Variants in TAF5L observed in about 807,000 individuals in gnomAD.
TAF5L encodes the protein TAF5-like RNA polymerase II p300/CBP-associated factor-associated factor 65 kDa subunit 5L.
Under a neutral mutation model 51.3 loss-of-function variants are expected in TAF5L, and 7 were observed. The ratio of observed to expected loss-of-function variants is 0.14; its 90% CI spans 0.08 to 0.26. The LOEUF is 0.26. Ranked by LOEUF, TAF5L falls within the 10% of genes least tolerant of loss-of-function variation. TAF5L has a pLI of 1.00. For synonymous variants in TAF5L, 291 were observed against 308.1 expected (o/e 0.94, Z 0.58); for missense variants, 575 against 758.9 (o/e 0.76, Z 2.85).
rs1664424837 is a variant in TAF5L, at chr1:229,602,634, T to C, written c.533A>G (p.Tyr178Cys). The change falls in exon 4 of 5, where the codon TAC becomes TGC. Residue 178 changes from tyrosine to cysteine, a missense_variant. Tyr to Cys is a radical substitution (Grantham distance 194, BLOSUM62 -2). Transcript: ENST00000258281. This position sits in a 1 kb window ranked among gnomAD's most constrained non-coding sequence, Gnocchi z 4.6. ...GGCAGTATTGTTGTCACTTTGGAGG[T>C]AGCGGATAAGGTAGTTGTAGCTGTC... The C allele has an allele frequency of 6.2e-7, 1 of 1,614,162 alleles. No individual in the cohort carries two copies. The highest frequency in any genetic ancestry group is 8.5e-7 in the Non-Finnish European group (1 of 1,180,040).
rs189895797 is a variant in TAF5L, at chr1:229,616,940, C to G, written c.-3-2455G>C. Among the ~76,000 whole-genome samples the G allele has an allele frequency of 2.0e-4, 31 of 152,226 alleles. No homozygotes were observed. The East Asian group carries it at 5.8e-3, about 28-fold the overall frequency. ...GTGTGATTGTTAAAAAGAAGGAACACTATGGTTGTGAATCAGTGACATAAT... is the reference window on the plus strand; with the variant it reads ...GTGTGATTGTTAAAAAGAAGGAACAGTATGGTTGTGAATCAGTGACATAAT... On this transcript the variant is annotated intron_variant, in intron 1 of 4. Coordinates refer to ENST00000258281, the Ensembl canonical transcript of TAF5L.
In TAF5L at chr1:229,595,131, C is replaced by A. The variant is rs765145990; in HGVS notation, c.973-37G>T. On this transcript the variant is annotated intron_variant, in intron 4 of 4. Coordinates refer to ENST00000258281, the Ensembl canonical transcript of TAF5L. ...GGGGTGGGGTGGGAAAAGAAACACACACAAAAAATGTTCAGTGGTCTGACA... is the reference window on the plus strand; with the variant it reads ...GGGGTGGGGTGGGAAAAGAAACACAAACAAAAAATGTTCAGTGGTCTGACA... 2.0e-6 allele frequency: 3 copies of A among 1,530,390 alleles called. No homozygotes were observed. In the Admixed American group the frequency reaches 6.2e-5, roughly 32 times the overall value. The allele number at this position is 1,530,390 out of a possible 1,614,324, so 94.8% of individuals were successfully genotyped here. A position where few individuals can be genotyped will look rare whatever the true frequency, so the allele number is the denominator to read the frequency against.
In TAF5L at chr1:229,614,620, C is replaced by T. The variant is rs1056993938; in HGVS notation, c.-3-135G>A. 26 of 1,131,644 alleles carry T rather than the reference C, an allele frequency of 2.3e-5. 1 individual carries two copies. In the South Asian group the frequency reaches 2.3e-4, roughly 10 times the overall value. The allele number at this position is 1,131,644 out of a possible 1,614,324, so 70.1% of individuals were successfully genotyped here. A position where few individuals can be genotyped will look rare whatever the true frequency, so the allele number is the denominator to read the frequency against. On this transcript the variant is annotated intron_variant, in intron 1 of 4. Transcript: ENST00000258281. ...ATGTGGCTAAGTGGCCTAGTTAAGA[C>T]GCAAATCTAAGTTCCCTAATACCAA...
intron 1 of TAF5L, among the ~76,000 whole-genome samples, chr1:229,620,296 T>C (rs1665157396): frequency 1.3e-5 from 2 of 152,206 alleles, no homozygotes; most frequent in African/African-American, 4.8e-5. Flanking sequence ...TCTGGGCTCA[T>C]GATCCTCCCA....
intron 1 of TAF5L, among the ~76,000 whole-genome samples, chr1:229,624,587 G>C (rs145186017): frequency 1.4e-5 from 2 of 143,418 alleles, no homozygotes; most frequent in Non-Finnish European, 3.1e-5. Context: ...CAACATAGAG[G>C]CACCCTGTCT....
intron 1 of TAF5L, among the ~76,000 whole-genome samples, chr1:229,623,113 C>T (rs928892300): frequency 6.6e-6 from 1 of 152,132 alleles, no homozygotes; most frequent in African/African-American, 2.4e-5. Context: ...CCCATCTCCA[C>T]TAATACAAAA....
At chr1:229,595,166 AGTCCAGG>A in intron 4 of TAF5L, 72 bp from the exon 5 acceptor site, 1 of 1,470,370 alleles carries the variant, frequency 6.8e-7, no homozygotes, top group Admixed American at 2.2e-5. Context: ...AAGGAAAACA[AGTCCAGG>A]AGAAAAAAAA....
chr1:229,607,491 A>C, intron 3 of TAF5L: 1 of 984,892 alleles, frequency 1.0e-6, no homozygotes, highest in Non-Finnish European at 1.2e-6. Flanking sequence ...TTCTTACCCA[A>C]ATTACTCCTC....
Position 229,602,471 on chromosome 1 carries a change from A to G in TAF5L, c.696T>C (p.Ile232=). 1 of 1,614,162 alleles carries G rather than the reference A, an allele frequency of 6.2e-7. No individual in the cohort carries two copies. The highest frequency in any genetic ancestry group is 1.3e-5 in the African/African-American group (1 of 75,044). ...CCTCTAGGGCAGCCTCGTTCTGCAG[A>G]ATAGGGCTGGGCATGTCGGGGGGCT... Residue 232 remains isoleucine, a synonymous_variant, in exon 4 of 5, where the codon ATT becomes ATC. Coordinates refer to ENST00000258281, the Ensembl canonical transcript of TAF5L. This position sits in a 1 kb window ranked among gnomAD's most constrained non-coding sequence, Gnocchi z 4.6.
intron 1 of TAF5L, among the ~76,000 whole-genome samples, chr1:229,621,685 A>AT (rs1665206115): frequency 6.6e-6 from 1 of 152,332 alleles, no homozygotes; most frequent in Admixed American, 6.5e-5. Flanking sequence ...GTCAACTTTA[A>AT]TTTAAAAAAA....
Position 229,594,599 on chromosome 1 carries a change from G to A in TAF5L, c.1468C>T (p.Gln490Ter). 1 of 1,614,156 alleles carries A rather than the reference G, an allele frequency of 6.2e-7. No homozygotes were observed. Among genetic ancestry groups the A allele is most frequent in the Non-Finnish European group, 8.5e-7 (1 of 1,180,028 alleles). ...GCCAAGTCCCACAGCTTCAACCGCT[G>A]GTCCTCGCCAGCAGACGCCAAGTAC... is the stretch of plus-strand genomic sequence containing the variant. Residue 490 changes from glutamine to a stop codon, truncating the protein, a stop_gained, in exon 5 of 5, where the codon CAG becomes TAG. Transcript: ENST00000258281. LOFTEE classifies it high-confidence loss of function. The surrounding 1 kb of genome is among the most constrained non-coding windows in gnomAD (Gnocchi z 7.9).
At chr1:229,614,613 G>A (rs2102760772) in intron 1 of TAF5L, 128 bp from the exon 2 acceptor site, 9 of 1,185,984 alleles carry the variant, frequency 7.6e-6, no homozygotes, top group Admixed American at 7.3e-5. Context: ...AAGTGGCCTA[G>A]TTAAGACGCA....
At chr1:229,606,363 G>C (rs774507894) in intron 3 of TAF5L, 3 of 948,072 alleles carry the variant, frequency 3.2e-6, no homozygotes, top group Non-Finnish European at 3.8e-6. Flanking sequence ...CATATCCTCT[G>C]AAAGTACACT....
chr1:229,606,996 G>A (rs756460089), intron 3 of TAF5L: 44 of 985,140 alleles, frequency 4.5e-5, no homozygotes, highest in Middle Eastern at 5.2e-4. Flanking sequence ...CCATGTAGCT[G>A]ATGCTACATG....
intron 2 of TAF5L, among the ~76,000 whole-genome samples, chr1:229,613,818 G>T (rs1202498099): frequency 6.6e-6 from 1 of 152,046 alleles, no homozygotes; most frequent in South Asian, 2.1e-4. Context: ...TTCTAAAATA[G>T]AATCGGATTT....
At position 229,614,325 on chromosome 1, in the gene TAF5L, G is replaced by A. The variant is rs749876782; in HGVS notation, c.142+16C>T. The A allele has an allele frequency of 1.9e-5, 30 of 1,614,058 alleles. No individual in the cohort carries two copies. The highest frequency in any genetic ancestry group is 1.2e-4 in the Admixed American group (7 of 60,008). The stretch of plus-strand genomic sequence containing the variant: ...CTGCTCCAGGCTCACCCCACCAGAC[G>A]AGCCCCCACCATTACCTGTTAGATT... On this transcript the variant is annotated intron_variant, in intron 2 of 4. Transcript: ENST00000258281.
At chr1:229,606,674 C>T (rs1015378067) in intron 3 of TAF5L, 2 of 985,390 alleles carry the variant, frequency 2.0e-6, no homozygotes, top group African/African-American at 3.5e-5. Flanking sequence ...ATGCTCATTT[C>T]ACTTTAAAGA....
intron 2 of TAF5L, among the ~76,000 whole-genome samples, chr1:229,610,976 T>C (rs1420459322): frequency 1.3e-5 from 2 of 152,188 alleles, no homozygotes; most frequent in African/African-American, 4.8e-5. Flanking sequence ...GCCCTTCTTA[T>C]GAGATATGTT....
At position 229,625,164 on chromosome 1, in the gene TAF5L, A is replaced by G. The variant is rs1665390370; in HGVS notation, c.-4+721T>C. 6.6e-6 allele frequency among the ~76,000 whole-genome samples: 1 copy of G among 152,254 alleles called. No homozygotes were observed. Among genetic ancestry groups the G allele is most frequent in the Non-Finnish European group, 1.5e-5 (1 of 68,048 alleles). ...CCTGCACTCCACTTCCGCTAAGTCT[A>G]AAATGACACCACTGTTTCTAACCAT... On this transcript the variant is annotated intron_variant, in intron 1 of 4. Coordinates refer to ENST00000258281, the Ensembl canonical transcript of TAF5L. The surrounding 1 kb of genome is among the most constrained non-coding windows in gnomAD (Gnocchi z 4.0).
Sources: gnomAD v4.1 joint callset for allele counts (sites outside exome capture counted in the v4.1 genomes callset) on GRCh38, gnomAD v4.1.1 for gene constraint, Gnocchi (gnomAD v3.1) non-coding constraint, MANE v1.5 for transcripts, NCBI Gene and HGNC (gene_info 2026-07-23, HGNC 2026-07-21) for gene names.